Variants in BAZ2B observed in about 807,000 individuals in gnomAD.
The protein encoded by BAZ2B is bromodomain adjacent to zinc finger domain 2B.
In BAZ2B, 91 loss-of-function variants were observed where a neutral mutation model predicts 246.0. The observed-to-expected ratio is 0.37, with a 90% confidence interval of 0.31 to 0.44. BAZ2B has a LOEUF of 0.44. Among genes scored for constraint, BAZ2B ranks in the 20% least tolerant of loss-of-function variants. The probability of loss-of-function intolerance (pLI) is 1.00; values close to 1 mark genes in which losing one functional copy is unlikely to be tolerated. For missense variants in BAZ2B, 2,332 were observed against 2,533.7 expected (o/e 0.92, Z 1.71); for synonymous variants, 855 against 860.0 (o/e 0.99, Z 0.10).
At chr2:159,658,908 C>A in the BAZ2B span, among the ~76,000 whole-genome samples, 1 of 152,132 alleles carries the variant, frequency 6.6e-6, no homozygotes, top group Non-Finnish European at 1.5e-5. Flanking sequence ...CCCGCCTCGA[C>A]CTCCCAAAGT....
At chr2:159,529,197 C>T (rs1467263921) in intron 2 of BAZ2B, among the ~76,000 whole-genome samples, 1 of 151,988 alleles carries the variant, frequency 6.6e-6, no homozygotes, top group East Asian at 1.9e-4. Context: ...ACTTACTTGA[C>T]CATGGAACCT....
chr2:159,385,411 T>C, intron 22 of BAZ2B, 42 bp from the exon 23 acceptor site: 1 of 1,514,826 alleles, frequency 6.6e-7, no homozygotes, highest in Non-Finnish European at 9.1e-7. Context: ...CTCACAACCA[T>C]TTATACCATA....
intron 13 of BAZ2B, among the ~76,000 whole-genome samples, chr2:159,413,310 A>C (rs2149926259): frequency 6.6e-6 from 1 of 152,366 alleles, no homozygotes; most frequent in Middle Eastern, 3.4e-3. Flanking sequence ...ATGTTGCAAG[A>C]AGTAAGAAAA....
chr2:159,454,217 T>C (rs1315920968), intron 3 of BAZ2B, among the ~76,000 whole-genome samples: 3 of 152,182 alleles, frequency 2.0e-5, no homozygotes, highest in Non-Finnish European at 2.9e-5. Flanking sequence ...GTCCAGGATC[T>C]GTCACCAGGT....
At chr2:159,318,714 G>A (rs1169070023), downstream of BAZ2B, among the ~76,000 whole-genome samples, 1 of 152,186 alleles carries the variant, frequency 6.6e-6, no homozygotes, top group East Asian at 1.9e-4. Flanking sequence ...ACCAGAACAA[G>A]ATCTAATGTA....
chr2:159,543,435 G>A (rs1353611220), intron 2 of BAZ2B, among the ~76,000 whole-genome samples: 3 of 150,968 alleles, frequency 2.0e-5, no homozygotes, highest in African/African-American at 7.3e-5. Flanking sequence ...TCTCTCTCAA[G>A]CTTTGCCTCT....
intron 1 of BAZ2B, among the ~76,000 whole-genome samples, chr2:159,605,538 G>T (rs1369463298): frequency 6.6e-6 from 1 of 151,976 alleles, no homozygotes; most frequent in African/African-American, 2.4e-5. Context: ...CACAAAAGGT[G>T]GCTCATATTA....
chr2:159,669,615 T>C, the BAZ2B span, among the ~76,000 whole-genome samples: 6 of 152,212 alleles, frequency 3.9e-5, no homozygotes, highest in African/African-American at 1.4e-4. Flanking sequence ...TCTCAGATTG[T>C]GCCTTTTATC....
chr2:159,705,307 C>A, the BAZ2B span, among the ~76,000 whole-genome samples: 2 of 152,084 alleles, frequency 1.3e-5, no homozygotes, highest in East Asian at 3.8e-4. Context: ...CAGGTGTGAG[C>A]CACCACGCCC....
chr2:159,698,672 T>A, the BAZ2B span, among the ~76,000 whole-genome samples: 1 of 152,142 alleles, frequency 6.6e-6, no homozygotes, highest in African/African-American at 2.4e-5. Context: ...TAAGAATGTT[T>A]AGCCCTTCTC....
intron 27 of BAZ2B, among the ~76,000 whole-genome samples, chr2:159,356,109 C>A (rs1469953374): frequency 6.6e-6 from 1 of 152,142 alleles, no homozygotes; most frequent in South Asian, 2.1e-4. Context: ...TTTCATACCC[C>A]AGTGGTGCCT....
At chr2:159,496,308 G>A (rs1231316443) in intron 2 of BAZ2B, among the ~76,000 whole-genome samples, 1 of 148,462 alleles carries the variant, frequency 6.7e-6, no homozygotes, top group Non-Finnish European at 1.5e-5. Context: ...CCCAGGAGGC[G>A]GAGGTTGCAG....
intron 1 of BAZ2B, among the ~76,000 whole-genome samples, chr2:159,598,361 A>G (rs775036776): frequency 2.4e-4 from 36 of 152,212 alleles, no homozygotes; most frequent in Non-Finnish European, 3.4e-4. Context: ...TGTTACTCTC[A>G]TAAGAATTGC....
At chr2:159,588,463 G>A (rs1688564183) in intron 1 of BAZ2B, among the ~76,000 whole-genome samples, 1 of 151,978 alleles carries the variant, frequency 6.6e-6, no homozygotes, top group Non-Finnish European at 1.5e-5. Flanking sequence ...GTTGGAGGCT[G>A]CAGTGGGCTA....
At chr2:159,644,524 A>T in the BAZ2B span, among the ~76,000 whole-genome samples, 1 of 152,182 alleles carries the variant, frequency 6.6e-6, no homozygotes, top group East Asian at 1.9e-4. Flanking sequence ...TGCTGGTAGT[A>T]GCAGCACTCA....
intron 27 of BAZ2B, among the ~76,000 whole-genome samples, chr2:159,366,793 G>C (rs1431540777): frequency 6.6e-6 from 1 of 152,138 alleles, no homozygotes; most frequent in East Asian, 1.9e-4. Flanking sequence ...GTTTGTTTTA[G>C]AATTTCTCTG....
chr2:159,520,944 C>A (rs1395249882), intron 2 of BAZ2B, among the ~76,000 whole-genome samples: 1 of 152,096 alleles, frequency 6.6e-6, no homozygotes, highest in Non-Finnish European at 1.5e-5. Flanking sequence ...TCAAAGAATT[C>A]TTCCAATGTG....
chr2:159,615,084 C>T (rs1395360083), intron 1 of BAZ2B, among the ~76,000 whole-genome samples: 1 of 152,024 alleles, frequency 6.6e-6, no homozygotes, highest in African/African-American at 2.4e-5. Flanking sequence ...AACAACTCGG[C>T]CAAGGACTGC....
At chr2:159,393,330 A>T (rs1326639057) in intron 20 of BAZ2B, among the ~76,000 whole-genome samples, 3 of 152,208 alleles carry the variant, frequency 2.0e-5, no homozygotes, top group African/African-American at 7.2e-5. Context: ...TGCTGAGGAA[A>T]GCAATAATGA....
Sources: gnomAD v4.1 joint callset for allele counts (sites outside exome capture counted in the v4.1 genomes callset) on GRCh38, gnomAD v4.1.1 for gene constraint, MANE v1.5 for transcripts, NCBI Gene and HGNC (gene_info 2026-07-23, HGNC 2026-07-21) for gene names.